LEO1: variants seen among roughly 807,000 people sequenced by gnomAD.
LEO1 encodes LEO1 component of Paf1/RNA polymerase II complex.
In LEO1, 34 loss-of-function variants were observed where a neutral mutation model predicts 80.4. That is an observed-to-expected ratio of 0.42 (90% CI 0.32 to 0.56). LEO1 has a LOEUF of 0.56. Ranked by LOEUF, LEO1 falls within the 20% of genes least tolerant of loss-of-function variation. The probability of loss-of-function intolerance (pLI) is 0.10; values close to 1 mark genes in which losing one functional copy is unlikely to be tolerated. For missense variants in LEO1, 631 were observed against 814.2 expected (o/e 0.77, Z 2.74); for synonymous variants, 262 against 274.9 (o/e 0.95, Z 0.46).
At chr15:51,942,624 C>A (rs2056862728) in intron 11 of LEO1, among the ~76,000 whole-genome samples, 2 of 152,012 alleles carry the variant, frequency 1.3e-5, no homozygotes, top group Admixed American at 6.6e-5. Flanking sequence ...CGTTGCAGAA[C>A]AATGAAACAA....
chr15:51,964,952 A>C (rs1222341393), intron 2 of LEO1, among the ~76,000 whole-genome samples: 1 of 152,178 alleles, frequency 6.6e-6, no homozygotes, highest in Non-Finnish European at 1.5e-5. Context: ...GTTCAGGTGT[A>C]TGCCTCCTGT....
In LEO1 at chr15:51,965,755, T is replaced by C. The variant is rs1260673957; in HGVS notation, c.808A>G (p.Lys270Glu). 2.5e-6 allele frequency: 4 copies of C among 1,604,094 alleles called. No individual in the cohort carries two copies. In the Admixed American group the frequency reaches 5.2e-5, roughly 21 times the overall value. The change falls in exon 2 of 12, where the codon AAA (lysine) becomes GAA (glutamate). Residue 270 changes from lysine to glutamate, a missense_variant. Around this residue, in one of 4 missense-constraint regions of LEO1, gnomAD observed 394 missense variants for 395.6 expected, o/e 1.00. Transcript: ENST00000299601. Reference sequence around the variant, plus strand: ...GTTCTCATAAATGTATTACCTGATTTATGATCCTGTTCCTCTTCATCATCT... The same window carrying C: ...GTTCTCATAAATGTATTACCTGATTCATGATCCTGTTCCTCTTCATCATCT... Reference protein sequence around the residue: ...HSDDEEEQDHKSESARGSDSE... With the variant: ...HSDDEEEQDHESESARGSDSE...
At chr15:51,941,937 A>G (rs1030956623) in intron 11 of LEO1, among the ~76,000 whole-genome samples, 6 of 152,278 alleles carry the variant, frequency 3.9e-5, no homozygotes, top group African/African-American at 1.4e-4. Context: ...GGGAAAGGGT[A>G]GCACCAAAAT....
chr15:51,960,565 G>A, intron 4 of LEO1, 74 bp downstream of exon 4: 1 of 812,062 alleles, frequency 1.2e-6, no homozygotes, highest in Non-Finnish European at 2.1e-6. Context: ...TTCCTTTCCT[G>A]GAATAAGGGA....
chr15:51,970,749 T>C (rs778088559), intron 1 of LEO1, among the ~76,000 whole-genome samples: 1 of 152,184 alleles, frequency 6.6e-6, no homozygotes, highest in African/African-American at 2.4e-5. Flanking sequence ...CAACTAGATA[T>C]ATGTTGTCTA....
At chr15:51,971,355 G>A (rs1046742211) in intron 1 of LEO1, among the ~76,000 whole-genome samples, 2 of 152,154 alleles carry the variant, frequency 1.3e-5, no homozygotes, top group African/African-American at 2.4e-5. Flanking sequence ...CTCTACGCTG[G>A]CCTGTGCAAG....
Position 51,962,430 on chromosome 15 carries a change from G to A in LEO1, c.878C>T (p.Ala293Val). The change falls in exon 3 of 12, where the codon GCA becomes GTA. Residue 293 changes from alanine (A) to valine (V), a missense_variant. By Grantham distance (64) the Ala-to-Val change is moderately conservative. Coordinates refer to ENST00000299601, the MANE Select transcript of LEO1 (RefSeq NM_138792.4). Reference sequence around the variant, plus strand: ...GTCACTATCCGCTTCTGAATCAGATGCAATCGCATTCTTGCGTTTCATTCG... The same window carrying A: ...GTCACTATCCGCTTCTGAATCAGATACAATCGCATTCTTGCGTTTCATTCG... ...VLRMKRKNAI[A>V]SDSEADSDTE... 1 of 1,613,632 alleles carries A rather than the reference G, an allele frequency of 6.2e-7. No homozygotes were observed. Among genetic ancestry groups the A allele is most frequent in the Non-Finnish European group, 8.5e-7 (1 of 1,179,754 alleles).
chr15:51,961,771 G>A (rs2057032966), intron 3 of LEO1, among the ~76,000 whole-genome samples: 1 of 151,460 alleles, frequency 6.6e-6, no homozygotes, highest in African/African-American at 2.4e-5. Flanking sequence ...AAGAACTTAG[G>A]AACAAAACAC....
At chr15:51,945,262 C>CAAAAAAAAAAA (rs71130110) in intron 11 of LEO1, among the ~76,000 whole-genome samples, 21,902 of 78,492 alleles carry the variant, frequency 0.28, 4,000 homozygotes, top group Non-Finnish European at 0.36. Flanking sequence ...ACAAAAAATA[C>CAAAAAAAAAAA]AAAAAAAAAA....
intron 2 of LEO1, 47 bp downstream of exon 2, chr15:51,965,702 T>A: frequency 6.5e-7 from 1 of 1,549,640 alleles, no homozygotes; most frequent in Non-Finnish European, 8.7e-7. Context: ...CCCTGCTGTA[T>A]CTGAATGCTT....
At position 51,953,137 on chromosome 15, in the gene LEO1, G is replaced by A. The variant is rs1348933577; in HGVS notation, c.1467C>T (p.Leu489=). The change falls in exon 8 of 12, where the codon CTC becomes CTT. Residue 489 remains leucine, a synonymous_variant. Coordinates refer to ENST00000299601, the MANE Select transcript of LEO1 (RefSeq NM_138792.4). The part of the protein sequence containing the change: ...LQGQAVFKTK[L]TFRPHSTDSA... ...ATAATAATAACAGTTACCTGAAGGT[G>A]AGTTTCGTTTTAAAGACTGCTTGTC... The A allele has an allele frequency of 6.2e-7, 1 of 1,610,286 alleles. No homozygotes were observed. Among genetic ancestry groups the A allele is most frequent in the Non-Finnish European group, 8.5e-7 (1 of 1,177,934 alleles).
rs1045510553 is a variant in LEO1, at chr15:51,951,706, A to G, written c.1611+138T>C. ...CCAATTGTTTGGCAAATGCTGAGGA[A>G]ATGAATCCAGCTCCCTATTCATGTC... On this transcript the variant is annotated intron_variant, in intron 9 of 11. Transcript: ENST00000299601. 6 of 701,030 alleles carry G rather than the reference A, an allele frequency of 8.6e-6. No individual in the cohort carries two copies. In the African/African-American group the frequency reaches 1.1e-4, roughly 13 times the overall value. The allele number at this position is 701,030 out of a possible 1,614,324, so 43.4% of individuals were successfully genotyped here.
intron 4 of LEO1, among the ~76,000 whole-genome samples, chr15:51,960,254 T>C (rs2057019755): frequency 6.6e-6 from 1 of 152,226 alleles, no homozygotes; most frequent in Non-Finnish European, 1.5e-5. Flanking sequence ...ATCTCCTTTA[T>C]GATAAATCTG....
intron 6 of LEO1, among the ~76,000 whole-genome samples, chr15:51,957,532 C>G (rs1252013836): frequency 6.6e-6 from 1 of 152,114 alleles, no homozygotes; most frequent in Non-Finnish European, 1.5e-5. Context: ...ACCTGTTTAT[C>G]TCAGTTTTCT....
At chr15:51,960,074 G>C (rs1009557452) in intron 4 of LEO1, 30 bp from the exon 5 acceptor site, 1 of 1,584,410 alleles carries the variant, frequency 6.3e-7, no homozygotes, top group Non-Finnish European at 8.6e-7. Flanking sequence ...TTTGGAGCTT[G>C]ACAGGACCTT....
At chr15:51,956,335 G>T (rs1327198861) in intron 6 of LEO1, among the ~76,000 whole-genome samples, 1 of 149,956 alleles carries the variant, frequency 6.7e-6, no homozygotes, top group African/African-American at 2.5e-5. Context: ...CTGGAGAATT[G>T]CTTGAACCCG....
Position 51,951,899 on chromosome 15 carries a change from C to G in LEO1, c.1556G>C (p.Arg519Thr). The G allele has an allele frequency of 6.2e-7, 1 of 1,613,862 alleles. No homozygotes were observed. Among genetic ancestry groups the G allele is most frequent in the Non-Finnish European group, 8.5e-7 (1 of 1,179,760 alleles). ...ATCACGACCAGCCATTGGCAAGATT[C>G]TAATCTTCTGTGTCTTTGAACACCT... is the stretch of plus-strand genomic sequence containing the variant. ...ADRCSKTQKI[R>T]ILPMAGRDPE... Residue 519 changes from arginine to threonine, a missense_variant, in exon 9 of 12, where the codon AGA (arginine) becomes ACA (threonine). Physicochemically the swap from Arg to Thr is moderately conservative, Grantham distance 71. This residue lies in a region of LEO1 where 25 missense variants were observed against 83.5 expected (regional missense o/e 0.30). Coordinates refer to ENST00000299601, the MANE Select transcript of LEO1 (RefSeq NM_138792.4).
chr15:51,938,395 G>A (rs986909037), intron 11 of LEO1, 135 bp from the exon 12 acceptor site: 8 of 606,086 alleles, frequency 1.3e-5, no homozygotes, highest in East Asian at 8.4e-5. Flanking sequence ...GAGGGAGATT[G>A]TGAGGTGTCA....
chr15:51,941,414 G>A (rs1445957161), intron 11 of LEO1, among the ~76,000 whole-genome samples: 1 of 152,196 alleles, frequency 6.6e-6, no homozygotes, highest in African/African-American at 2.4e-5. Context: ...AAGGGGAAAT[G>A]GAGTCTCAAG....
Sources: allele counts gnomAD v4.1 joint callset (sites outside exome capture counted in the v4.1 genomes callset), GRCh38; gene constraint gnomAD v4.1.1; regional missense constraint gnomAD v4.1.1; transcripts MANE v1.5; gene names NCBI Gene and HGNC (gene_info 2026-07-23, HGNC 2026-07-21).